MRPL3: variants seen among roughly 807,000 people sequenced by gnomAD.
The protein encoded by MRPL3 is mitochondrial ribosomal protein L3, also known as large ribosomal subunit protein uL3m.
A neutral mutation model predicts 44.3 loss-of-function variants in MRPL3; 43 were observed. The ratio of observed to expected loss-of-function variants is 0.97; its 90% confidence interval spans 0.76 to 1.25. MRPL3 has a LOEUF of 1.25. Among genes scored for constraint, MRPL3 ranks in the 50% most tolerant of loss-of-function variants. The pLI is 0.00. For synonymous variants in MRPL3, 171 were observed against 152.3 expected (o/e 1.12, Z -0.91); for missense variants, 406 against 427.6 (o/e 0.95, Z 0.45).
intron 8 of MRPL3, 137 bp from the exon 9 acceptor site, chr3:131,468,305 A>G: frequency 1.9e-6 from 1 of 514,944 alleles, no homozygotes; most frequent in Admixed American, 3.7e-5. Flanking sequence ...TAAGAACTGA[A>G]AAACTTCAAG....
At chr3:131,485,413 A>G (rs1402694274) in intron 6 of MRPL3, among the ~76,000 whole-genome samples, 1 of 152,226 alleles carries the variant, frequency 6.6e-6, no homozygotes, top group East Asian at 1.9e-4. Context: ...TTCACACAAC[A>G]TTAACTGTGT....
At chr3:131,474,588 C>T (rs893784971) in intron 6 of MRPL3, among the ~76,000 whole-genome samples, 2 of 151,962 alleles carry the variant, frequency 1.3e-5, no homozygotes, top group African/African-American at 2.4e-5. Flanking sequence ...TAACAGGTAC[C>T]GTAACTACCC....
At chr3:131,472,634 GAA>G (rs1933765048) in intron 6 of MRPL3, among the ~76,000 whole-genome samples, 1 of 152,052 alleles carries the variant, frequency 6.6e-6, no homozygotes, top group Admixed American at 6.6e-5. Context: ...AATTGTAAAG[GAA>G]GAAGTTGTCC....
chr3:131,500,426 T>C lies in MRPL3; in HGVS notation c.369+4A>G, dbSNP rs748548540. ...ATCTCTTACGTCTTCTGTTTCTCTC[T>C]TACCTGAAGTAATGTGACCACATGC... On this transcript the variant is annotated splice_donor_region_variant and intron_variant, in intron 3 of 9. Transcript: ENST00000264995. 3 of 1,610,316 alleles carry C rather than the reference T, an allele frequency of 1.9e-6. No individual in the cohort carries two copies. The highest frequency in any genetic ancestry group is 2.5e-6 in the Non-Finnish European group (3 of 1,176,764).
At chr3:131,472,029 C>T (rs1933754470) in intron 6 of MRPL3, among the ~76,000 whole-genome samples, 1 of 152,176 alleles carries the variant, frequency 6.6e-6, no homozygotes. Flanking sequence ...TTGACTGCAG[C>T]TTTGGGAGAG....
At chr3:131,477,745 A>G (rs1314446411) in intron 6 of MRPL3, among the ~76,000 whole-genome samples, 1 of 152,234 alleles carries the variant, frequency 6.6e-6, no homozygotes, top group Non-Finnish European at 1.5e-5. Context: ...TTTGAAGAAC[A>G]AAACCACAAT....
intron 3 of MRPL3, 123 bp downstream of exon 3, chr3:131,500,307 A>T: frequency 1.4e-6 from 1 of 731,638 alleles, no homozygotes; most frequent in Non-Finnish European, 2.3e-6. Flanking sequence ...ATTTATGTTC[A>T]ACATCACCCC....
At chr3:131,475,473 T>C (rs1029753775) in intron 6 of MRPL3, among the ~76,000 whole-genome samples, 3 of 152,142 alleles carry the variant, frequency 2.0e-5, no homozygotes, top group African/African-American at 7.2e-5. Flanking sequence ...CTGGCCAACA[T>C]AGTGAGACCT....
chr3:131,492,730 C>A (rs1338802505), intron 4 of MRPL3, among the ~76,000 whole-genome samples: 8 of 152,066 alleles, frequency 5.3e-5, no homozygotes, highest in Admixed American at 1.3e-4. Context: ...CCCATTTCAC[C>A]CCCAAACCTA....
intron 9 of MRPL3, among the ~76,000 whole-genome samples, chr3:131,463,578 A>T (rs1211053497): frequency 6.6e-6 from 1 of 152,110 alleles, no homozygotes; most frequent in Non-Finnish European, 1.5e-5. Flanking sequence ...TATACAACAA[A>T]TGCAGCACAA....
In MRPL3 at chr3:131,468,083, A is replaced by C; in HGVS notation, c.894+8T>G. 6.7e-7 allele frequency: 1 copy of C among 1,487,918 alleles called. No homozygotes were observed. Among genetic ancestry groups the C allele is most frequent in the Non-Finnish European group, 9.1e-7 (1 of 1,098,532 alleles). The allele number at this position is 1,487,918 out of a possible 1,614,324, so 92.2% of individuals were successfully genotyped here. A position where few individuals can be genotyped will look rare whatever the true frequency, so the allele number is the denominator to read the frequency against. ...AAAAGGAAAAAAAAAGAAGACACTTATACTTACCTTTACTAAGCAATTTTT... is the reference window on the plus strand; with the variant it reads ...AAAAGGAAAAAAAAAGAAGACACTTCTACTTACCTTTACTAAGCAATTTTT... On this transcript the variant is annotated splice_region_variant and intron_variant, in intron 9 of 9. Transcript: ENST00000264995.
At chr3:131,493,298 T>C (rs139791119) in intron 4 of MRPL3, among the ~76,000 whole-genome samples, 2 of 152,342 alleles carry the variant, frequency 1.3e-5, no homozygotes, top group African/African-American at 4.8e-5. Flanking sequence ...TATAAGTACA[T>C]GTCTCTAGTA....
intron 6 of MRPL3, among the ~76,000 whole-genome samples, chr3:131,484,896 TA>T (rs1934082279): frequency 6.6e-6 from 1 of 152,194 alleles, no homozygotes; most frequent in African/African-American, 2.4e-5. Context: ...CTCATGAAGA[TA>T]TGCACACACA....
chr3:131,500,252 C>T (rs943653672), intron 3 of MRPL3, among the ~76,000 whole-genome samples, 178 bp downstream of exon 3: 1 of 152,198 alleles, frequency 6.6e-6, no homozygotes, highest in Non-Finnish European at 1.5e-5. Context: ...ACTGCTCAGG[C>T]AAGAGTGAGA....
chr3:131,487,781 A>G, intron 5 of MRPL3, 41 bp from the exon 6 acceptor site: 1 of 1,523,762 alleles, frequency 6.6e-7, no homozygotes, highest in Non-Finnish European at 9.0e-7. Context: ...GAAATTTGAC[A>G]GCACAGAAAC....
intron 9 of MRPL3, among the ~76,000 whole-genome samples, chr3:131,464,673 T>TATATACTATAATATAATATA (rs1474420773): frequency 6.6e-6 from 1 of 152,188 alleles, no homozygotes; most frequent in African/African-American, 2.4e-5. Flanking sequence ...CTTATTATGC[T>TATATACTATAATATAATATA]GTAAACAATA....
Position 131,500,619 on chromosome 3 carries a change from G to A in MRPL3, c.278-98C>T, listed in dbSNP as rs906695380. On this transcript the variant is annotated intron_variant, in intron 2 of 9. Transcript: ENST00000264995. ...CTAAAATCAGGTTTCCGTATGAGGA[G>A]CAGGCACGTAAGAAATATGCTAATA... is the stretch of plus-strand genomic sequence containing the variant. 15 of 903,020 alleles carry A rather than the reference G, an allele frequency of 1.7e-5. No homozygotes were observed. In the East Asian group the frequency reaches 3.7e-4, roughly 22 times the overall value. 55.9% of individuals were successfully genotyped at this position (903,020 alleles called of 1,614,324 possible).
intron 3 of MRPL3, among the ~76,000 whole-genome samples, 178 bp downstream of exon 3, chr3:131,500,252 C>A (rs943653672): frequency 2.6e-5 from 4 of 152,198 alleles, no homozygotes; most frequent in Non-Finnish European, 1.5e-5. Context: ...ACTGCTCAGG[C>A]AAGAGTGAGA....
Position 131,489,963 on chromosome 3 carries a change from T to C in MRPL3, c.568+18A>G, listed in dbSNP as rs747035394. ...TTTGGGTATTTTTACCTCCCTCCTC[T>C]CCCCAACCTCAAATTACCTGGTTTA... On this transcript the variant is annotated intron_variant, in intron 5 of 9. Transcript: ENST00000264995. 4.6e-6 allele frequency: 7 copies of C among 1,527,608 alleles called. No individual in the cohort carries two copies. The Admixed American group carries it at 1.2e-4, about 26-fold the overall frequency. The allele number at this position is 1,527,608 out of a possible 1,614,324, so 94.6% of individuals were successfully genotyped here.
Sources: gnomAD v4.1 joint callset for allele counts (sites outside exome capture counted in the v4.1 genomes callset) on GRCh38, gnomAD v4.1.1 for gene constraint, MANE v1.5 for transcripts, NCBI Gene and HGNC (gene_info 2026-07-23, HGNC 2026-07-21) for gene names.